Variants in GDPD5 observed in about 807,000 individuals in gnomAD.
GDPD5 encodes glycerophosphodiester phosphodiesterase domain containing 5.
A neutral mutation model predicts 75.1 loss-of-function variants in GDPD5; 48 were observed. The observed-to-expected ratio is 0.64, with a 90% confidence interval of 0.51 to 0.81. GDPD5 has a LOEUF of 0.81. GDPD5 is among the 40% of genes least tolerant of loss of function. The probability of loss-of-function intolerance (pLI) is 0.00; values close to 1 mark genes in which losing one functional copy is unlikely to be tolerated. For missense variants in GDPD5, 706 were observed against 822.6 expected, an observed-to-expected ratio of 0.86 and a Z score of 1.73; for synonymous variants, 336 against 339.0, an observed-to-expected ratio of 0.99 and a Z score of 0.10.
intron 1 of GDPD5, chr11:75,507,240 G>A (rs1270982783): frequency 6.6e-6 from 1 of 152,370 alleles, no homozygotes; most frequent in Non-Finnish European, 1.5e-5. Flanking sequence ...GACATGGGGA[G>A]GCTGGGTGGG....
At chr11:75,461,755 C>G (rs771114149) in intron 4 of GDPD5, among the ~76,000 whole-genome samples, 1 of 152,196 alleles carries the variant, frequency 6.6e-6, no homozygotes, top group Non-Finnish European at 1.5e-5. Context: ...TGCTCATCGC[C>G]ATGCTGACCT....
intron 1 of GDPD5, among the ~76,000 whole-genome samples, chr11:75,504,727 G>A (rs1411606964): frequency 6.6e-6 from 1 of 152,118 alleles, no homozygotes; most frequent in Non-Finnish European, 1.5e-5. Context: ...AAGCTCTGGA[G>A]ATCTGTTGCA....
chr11:75,478,959 T>C (rs1949842661), intron 2 of GDPD5, among the ~76,000 whole-genome samples: 1 of 152,146 alleles, frequency 6.6e-6, no homozygotes, highest in South Asian at 2.1e-4. Flanking sequence ...AAGTATTCAT[T>C]CTCCAGACAC....
chr11:75,439,156 A>G (rs1221937478), intron 15 of GDPD5, among the ~76,000 whole-genome samples: 1 of 152,226 alleles, frequency 6.6e-6, no homozygotes, highest in African/African-American at 2.4e-5. Context: ...CACACACGGC[A>G]GTGGGACGGG....
chr11:75,522,218 T>G (rs1783552), intron 1 of GDPD5, among the ~76,000 whole-genome samples: 142,764 of 152,218 alleles, frequency 0.94, 67,196 homozygotes, highest in Middle Eastern at 0.98. Flanking sequence ...AAGATGATCC[T>G]TAACAGCCTT....
intron 3 of GDPD5, among the ~76,000 whole-genome samples, chr11:75,464,517 C>A (rs762136792): frequency 1.3e-5 from 2 of 152,172 alleles, no homozygotes; most frequent in Non-Finnish European, 2.9e-5. Context: ...GCCTGGGTGA[C>A]CCTCCTGTCC....
chr11:75,462,021 AG>A, intron 4 of GDPD5, among the ~76,000 whole-genome samples: 1 of 152,308 alleles, frequency 6.6e-6, no homozygotes, highest in East Asian at 1.9e-4. Flanking sequence ...TTTGGATCTG[AG>A]GTACCCACAA....
At chr11:75,486,408 G>A (rs1950022660) in intron 2 of GDPD5, among the ~76,000 whole-genome samples, 1 of 152,156 alleles carries the variant, frequency 6.6e-6, no homozygotes, top group Admixed American at 6.5e-5. Context: ...CCTGCCCAAG[G>A]GCCTCCACCA....
At chr11:75,512,776 G>A (rs140075763) in intron 1 of GDPD5, among the ~76,000 whole-genome samples, 5,654 of 152,120 alleles carry the variant, frequency 0.037, 349 homozygotes, top group African/African-American at 0.13. Flanking sequence ...TTAGCTGGGC[G>A]TGGTGGCGGG....
chr11:75,507,356 C>T (rs1379907637), intron 1 of GDPD5, among the ~76,000 whole-genome samples: 3 of 152,366 alleles, frequency 2.0e-5, no homozygotes, highest in African/African-American at 2.4e-5. Flanking sequence ...CTGTAGGCCA[C>T]AGCTTCCTGG....
chr11:75,469,915 C>T (rs1949620483), intron 3 of GDPD5, among the ~76,000 whole-genome samples: 1 of 152,230 alleles, frequency 6.6e-6, no homozygotes, highest in Non-Finnish European at 1.5e-5. Context: ...CTCTTCCAGT[C>T]ATCTACGTAC....
chr11:75,504,215 A>G (rs1290553601), intron 1 of GDPD5, among the ~76,000 whole-genome samples: 2 of 152,194 alleles, frequency 1.3e-5, no homozygotes, highest in African/African-American at 4.8e-5. Context: ...AATGAATCCC[A>G]CCTACTACTC....
rs1182915114 is a variant in GDPD5 at position 75,441,518 on chromosome 11, C to T, written c.1325+128G>A. On this transcript the variant is annotated intron_variant, in intron 13 of 16. Coordinates refer to ENST00000336898, the MANE Select transcript of GDPD5 (RefSeq NM_030792.8). Reference sequence around the variant, plus strand: ...TTTGAACCATGTGTGCCTGATTCCTCTGTGTGCCCATCCCTCTGCCCGACC... The same window carrying T: ...TTTGAACCATGTGTGCCTGATTCCTTTGTGTGCCCATCCCTCTGCCCGACC... The T allele has an allele frequency of 3.3e-5, 38 of 1,151,762 alleles. No homozygotes were observed. In the Admixed American group the frequency reaches 8.5e-4, roughly 26 times the overall value. 71.3% of individuals were successfully genotyped at this position (1,151,762 alleles called of 1,614,324 possible). A position where few individuals can be genotyped will look rare whatever the true frequency, so the allele number is the denominator to read the frequency against.
intron 2 of GDPD5, among the ~76,000 whole-genome samples, chr11:75,480,570 C>T (rs1485302506): frequency 3.3e-5 from 5 of 152,168 alleles, no homozygotes; most frequent in African/African-American, 1.2e-4. Flanking sequence ...AATGTGACTG[C>T]ACCATGTTAC....
chr11:75,493,309 C>T (rs1474771683), intron 1 of GDPD5, among the ~76,000 whole-genome samples: 3 of 151,678 alleles, frequency 2.0e-5, no homozygotes, highest in Admixed American at 1.3e-4. Context: ...ACATTATACT[C>T]ATGTGACCTG....
intron 11 of GDPD5, 199 bp downstream of exon 11, chr11:75,442,937 G>A (rs1948865970): frequency 1.5e-6 from 1 of 650,788 alleles, no homozygotes; most frequent in African/African-American, 1.8e-5. Flanking sequence ...TGAGGGAAAT[G>A]GACCCAGAAC....
chr11:75,471,996 G>A (rs1214127324), intron 3 of GDPD5, among the ~76,000 whole-genome samples: 5 of 152,082 alleles, frequency 3.3e-5, no homozygotes, highest in Admixed American at 6.6e-5. Context: ...CACCCCTGCC[G>A]GGTCTCTTTT....
intron 2 of GDPD5, among the ~76,000 whole-genome samples, chr11:75,478,960 C>T (rs755562703): frequency 6.6e-6 from 1 of 152,196 alleles, no homozygotes; most frequent in Non-Finnish European, 1.5e-5. Context: ...AGTATTCATT[C>T]TCCAGACACA....
chr11:75,515,738 A>T (rs1950625450), intron 1 of GDPD5, among the ~76,000 whole-genome samples: 1 of 152,160 alleles, frequency 6.6e-6, no homozygotes, highest in Non-Finnish European at 1.5e-5. Context: ...CTCGCCTGAC[A>T]CTAGCCTACC....
Sources: allele counts gnomAD v4.1 joint callset (sites outside exome capture counted in the v4.1 genomes callset), GRCh38; gene constraint gnomAD v4.1.1; transcripts MANE v1.5; gene names NCBI Gene and HGNC (gene_info 2026-07-23, HGNC 2026-07-21).